KCNN2: variants seen among roughly 807,000 people sequenced by gnomAD.
The protein encoded by KCNN2 is small conductance calcium-activated potassium channel protein 2.
Under a neutral mutation model 55.5 loss-of-function variants are expected in KCNN2, and 24 were observed. That is an observed-to-expected ratio of 0.43 (90% CI 0.31 to 0.61). The LOEUF (loss-of-function observed/expected upper bound fraction) is 0.61. KCNN2 is among the 20% of genes least tolerant of loss of function. The pLI is 0.08. For missense variants in KCNN2, 754 were observed against 853.6 expected (o/e 0.88, Z 1.45); for synonymous variants, 431 against 336.1 (o/e 1.28, Z -3.09).
intron 2 of KCNN2, among the ~76,000 whole-genome samples, chr5:114,330,851 G>A (rs1018224421): frequency 1.3e-5 from 2 of 152,190 alleles, no homozygotes; most frequent in Non-Finnish European, 2.9e-5. Flanking sequence ...CTCCCTGCCA[G>A]ATGGGATGAC....
At chr5:114,221,074 C>G (rs1212541566) in intron 1 of KCNN2, among the ~76,000 whole-genome samples, 1 of 152,154 alleles carries the variant, frequency 6.6e-6, no homozygotes, top group African/African-American at 2.4e-5. Context: ...CACCACTATC[C>G]TATATGACAC....
At chr5:114,193,507 A>G (rs1430080029) in intron 1 of KCNN2, among the ~76,000 whole-genome samples, 2 of 152,122 alleles carry the variant, frequency 1.3e-5, no homozygotes, top group Non-Finnish European at 2.9e-5. Flanking sequence ...GCAATCCTTT[A>G]GTTAGTGCTA....
At chr5:114,197,844 G>A (rs1021630872) in intron 1 of KCNN2, among the ~76,000 whole-genome samples, 1 of 152,146 alleles carries the variant, frequency 6.6e-6, no homozygotes, top group African/African-American at 2.4e-5. Flanking sequence ...AATGGGCCAG[G>A]TCATGGCTCA....
chr5:114,116,562 T>C lies in KCNN2; in HGVS notation c.-271+60062T>C, dbSNP rs1334712763. On this transcript the variant is annotated intron_variant, in intron 1 of 10. Coordinates refer to the KCNN2 transcript ENST00000512097. Reference sequence around the variant, plus strand: ...AATTGTGACATAAGAGGGTTCCTGTTTACCCACTTAAGCAAATGCTTCAGG... The same window carrying C: ...AATTGTGACATAAGAGGGTTCCTGTCTACCCACTTAAGCAAATGCTTCAGG... 2.0e-5 allele frequency among the ~76,000 whole-genome samples: 3 copies of C among 152,166 alleles called. No homozygotes were observed. The East Asian group carries it at 5.8e-4, about 29-fold the overall frequency.
chr5:114,158,137 G>C (rs527403411), intron 1 of KCNN2, among the ~76,000 whole-genome samples: 1 of 151,914 alleles, frequency 6.6e-6, no homozygotes, highest in Non-Finnish European at 1.5e-5. Flanking sequence ...ATGGTTTTAG[G>C]TCTAACATGT....
chr5:114,072,806 G>T (rs1750604432), intron 1 of KCNN2, among the ~76,000 whole-genome samples: 3 of 151,716 alleles, frequency 2.0e-5, no homozygotes, highest in Non-Finnish European at 2.9e-5. Flanking sequence ...TAACATGGAG[G>T]TAACAGTATC....
chr5:114,347,699 A>G (rs1009314148), intron 2 of KCNN2, among the ~76,000 whole-genome samples: 5 of 152,188 alleles, frequency 3.3e-5, no homozygotes, highest in Non-Finnish European at 5.9e-5. Context: ...AAAATATGTA[A>G]TATATTTAAA....
intron 3 of KCNN2, among the ~76,000 whole-genome samples, chr5:114,443,727 C>G (rs1032103338): frequency 1.3e-5 from 2 of 152,158 alleles, no homozygotes; most frequent in Admixed American, 1.3e-4. Flanking sequence ...TGTGAAGGCA[C>G]GTGAAATAGA....
At chr5:114,095,908 A>G (rs1044583052) in intron 1 of KCNN2, among the ~76,000 whole-genome samples, 4 of 152,044 alleles carry the variant, frequency 2.6e-5, no homozygotes, top group Non-Finnish European at 4.4e-5. Flanking sequence ...TTAAGTTTAC[A>G]TTTATATATG....
At chr5:114,281,139 G>T (rs553742728) in intron 2 of KCNN2, among the ~76,000 whole-genome samples, 6 of 152,122 alleles carry the variant, frequency 3.9e-5, no homozygotes, top group African/African-American at 1.4e-4. Flanking sequence ...CTCAGGTTTT[G>T]CCTTCCTAAC....
At chr5:114,355,397 A>T (rs1430190135) in intron 2 of KCNN2, among the ~76,000 whole-genome samples, 1 of 152,232 alleles carries the variant, frequency 6.6e-6, no homozygotes. Flanking sequence ...TTCAAAGGGA[A>T]AATAAACCTT....
At chr5:114,262,389 G>A (rs1002497939) in intron 2 of KCNN2, among the ~76,000 whole-genome samples, 6 of 152,194 alleles carry the variant, frequency 3.9e-5, no homozygotes, top group African/African-American at 1.2e-4. Context: ...AAAGCAAATC[G>A]CAGTTAAAAC....
intron 1 of KCNN2, among the ~76,000 whole-genome samples, chr5:114,189,212 A>T (rs753739420): frequency 6.6e-6 from 1 of 151,556 alleles, no homozygotes; most frequent in African/African-American, 2.4e-5. Context: ...GATTGTGGAG[A>T]CTGAGAAGTC....
intron 1 of KCNN2, among the ~76,000 whole-genome samples, chr5:114,188,902 C>T (rs556662014): frequency 6.6e-6 from 1 of 152,210 alleles, no homozygotes; most frequent in African/African-American, 2.4e-5. Flanking sequence ...CAGTGCATTT[C>T]TGATTCAGAT....
intron 1 of KCNN2, among the ~76,000 whole-genome samples, chr5:114,059,340 C>A (rs548768734): frequency 6.6e-6 from 1 of 152,194 alleles, no homozygotes; most frequent in East Asian, 1.9e-4. Flanking sequence ...TATCATACAG[C>A]CAAGTACAAA....
At chr5:114,471,810 A>G (rs573379311) in intron 4 of KCNN2, among the ~76,000 whole-genome samples, 3 of 152,300 alleles carry the variant, frequency 2.0e-5, no homozygotes, top group East Asian at 3.9e-4. Context: ...CATTGTGGCA[A>G]TGTTTCCATG....
chr5:114,147,428 A>G (rs1377818870), intron 1 of KCNN2, among the ~76,000 whole-genome samples: 1 of 152,170 alleles, frequency 6.6e-6, no homozygotes, highest in Non-Finnish European at 1.5e-5. Flanking sequence ...AATTGAAGTG[A>G]CCATTTGATC....
intron 3 of KCNN2, among the ~76,000 whole-genome samples, chr5:114,459,665 G>A (rs1761103373): frequency 6.6e-6 from 1 of 152,094 alleles, no homozygotes; most frequent in Admixed American, 6.5e-5. Flanking sequence ...ACATTAGTAT[G>A]AGATGTCATT....
intron 3 of KCNN2, among the ~76,000 whole-genome samples, chr5:114,414,957 C>T (rs1037957286): frequency 4.6e-5 from 7 of 152,308 alleles, no homozygotes; most frequent in Middle Eastern, 3.4e-3. Flanking sequence ...TCATCATCTC[C>T]GTGCCCATTT....
Sources: allele counts gnomAD v4.1 joint callset (sites outside exome capture counted in the v4.1 genomes callset), GRCh38; gene constraint gnomAD v4.1.1; transcripts MANE v1.5; gene names NCBI Gene and HGNC (gene_info 2026-07-23, HGNC 2026-07-21).